The following NINJ2 variants were observed in gnomAD, a reference collection of about 807,000 sequenced individuals.
NINJ2 encodes the protein ninjurin-2.
NINJ2 carries 12 observed loss-of-function variants against 11.7 expected under a neutral mutation model. The ratio of observed to expected loss-of-function variants is 1.02; its 90% CI spans 0.66 to 1.66. The LOEUF is 1.66. NINJ2 is among the 40% of genes most tolerant of loss of function. The pLI is 0.00. For synonymous variants in NINJ2, 93 were observed against 76.8 expected (o/e 1.21, Z -1.10); for missense variants, 187 against 181.8 (o/e 1.03, Z -0.16).
Position 648,996 on chromosome 12 carries a change from G to GTCTGTCTATCTATCTATCTA in NINJ2, c.33+14331_33+14332insTAGATAGATAGATAGACAGA, listed in dbSNP as rs10633920. 9.6e-3 allele frequency among the ~76,000 whole-genome samples: 1,432 copies of GTCTGTCTATCTATCTATCTA among 148,976 alleles called. 15 individuals are homozygous for GTCTGTCTATCTATCTATCTA. The highest frequency in any genetic ancestry group is 0.014 in the Middle Eastern group (4 of 288). ...CATCCACCTATCTATCTATCTATCT[G>GTCTGTCTATCTATCTATCTA]TCTATCTATCTATCTATCTATCTAT... On this transcript the variant is annotated intron_variant, in intron 1 of 3. Transcript: ENST00000305108.
chr12:661,912 G>A (rs1937963006), intron 1 of NINJ2, among the ~76,000 whole-genome samples: 4 of 152,224 alleles, frequency 2.6e-5, no homozygotes, highest in East Asian at 3.9e-4. Flanking sequence ...TCATGCACTC[G>A]GGCTGCAGCA....
At chr12:572,183 C>T (rs775919377) in intron 1 of NINJ2, among the ~76,000 whole-genome samples, 1 of 152,210 alleles carries the variant, frequency 6.6e-6, no homozygotes, top group Admixed American at 6.5e-5. Context: ...ATGGGAAAGC[C>T]GGCTCTGAGC....
At chr12:636,533 G>A (rs972544872) in intron 1 of NINJ2, among the ~76,000 whole-genome samples, 11 of 151,958 alleles carry the variant, frequency 7.2e-5, no homozygotes, top group Admixed American at 7.2e-4. Flanking sequence ...TTAACAGCGA[G>A]AAAACCAAAC....
At position 647,129 on chromosome 12, in the gene NINJ2, C is replaced by T. The variant is rs549816105; in HGVS notation, c.33+16199G>A. Among the ~76,000 whole-genome samples, 25 of 152,292 alleles carry T rather than the reference C, an allele frequency of 1.6e-4. No homozygotes were observed. The East Asian group carries it at 3.9e-3, about 24-fold the overall frequency. On this transcript the variant is annotated intron_variant, in intron 1 of 3. Transcript: ENST00000305108. Reference sequence around the variant, plus strand: ...CCAGGCCCCTCTGTTCCTTCTCTTCCACCCCTGCAGAAGGCATATTCCCCC... The same window carrying T: ...CCAGGCCCCTCTGTTCCTTCTCTTCTACCCCTGCAGAAGGCATATTCCCCC...
At chr12:632,952 C>T (rs1948300584) in intron 1 of NINJ2, among the ~76,000 whole-genome samples, 1 of 152,170 alleles carries the variant, frequency 6.6e-6, no homozygotes, top group Non-Finnish European at 1.5e-5. Context: ...GCCATGAACA[C>T]AAAAGGTTAG....
intron 1 of NINJ2, among the ~76,000 whole-genome samples, chr12:652,532 A>T (rs974796320): frequency 7.9e-5 from 12 of 152,198 alleles, no homozygotes; most frequent in Non-Finnish European, 1.6e-4. Flanking sequence ...GGACTTCCAG[A>T]AAGAAGGAAA....
intron 1 of NINJ2, among the ~76,000 whole-genome samples, chr12:653,133 G>A (rs1937820374): frequency 7.1e-6 from 1 of 140,572 alleles, no homozygotes; most frequent in Non-Finnish European, 1.5e-5. Flanking sequence ...CCATTCTCCT[G>A]CCTCAGCCTC....
intron 1 of NINJ2, among the ~76,000 whole-genome samples, chr12:615,329 C>T (rs1321005342): frequency 6.6e-6 from 1 of 152,172 alleles, no homozygotes; most frequent in Admixed American, 6.5e-5. Flanking sequence ...TGGCTCATGC[C>T]TGTAATCCCA....
At chr12:571,475 G>A (rs1947375744) in intron 1 of NINJ2, among the ~76,000 whole-genome samples, 3 of 152,150 alleles carry the variant, frequency 2.0e-5, no homozygotes, top group South Asian at 4.1e-4. Flanking sequence ...CAGACCCAGC[G>A]GTTTGCCCCA....
At chr12:617,067 G>T (rs112556353) in intron 1 of NINJ2, among the ~76,000 whole-genome samples, 21 of 152,232 alleles carry the variant, frequency 1.4e-4, no homozygotes, top group African/African-American at 4.1e-4. Flanking sequence ...TTAGCCAGAC[G>T]TGGTGGCGCA....
intron 1 of NINJ2, among the ~76,000 whole-genome samples, chr12:609,983 G>T (rs1343237383): frequency 1.4e-5 from 2 of 142,494 alleles, no homozygotes; most frequent in Non-Finnish European, 3.0e-5. Flanking sequence ...GAGAAATAAT[G>T]TTTGACCATG....
intron 1 of NINJ2, chr12:643,412 G>A: frequency 1.0e-6 from 1 of 984,806 alleles, no homozygotes; most frequent in Non-Finnish European, 1.2e-6. Context: ...CAGCCCTCGG[G>A]CCTACATCCG....
Position 654,907 on chromosome 12 carries a change from G to C in NINJ2, c.33+8421C>G, listed in dbSNP as rs1386622198. Among the ~76,000 whole-genome samples the C allele has an allele frequency of 2.0e-5, 3 of 148,344 alleles. No individual in the cohort carries two copies. The Admixed American group carries it at 2.0e-4, about 10-fold the overall frequency. On this transcript the variant is annotated intron_variant, in intron 1 of 3. Coordinates refer to ENST00000305108, the MANE Select transcript of NINJ2 (RefSeq NM_016533.6). Reference sequence around the variant, plus strand: ...ACTCCATTTCAAAAAAAAAAAAAGAGAATAAAATAAAAACAAAAGAAAATC... The same window carrying C: ...ACTCCATTTCAAAAAAAAAAAAAGACAATAAAATAAAAACAAAAGAAAATC...
intron 1 of NINJ2, among the ~76,000 whole-genome samples, chr12:569,018 G>C (rs1947341630): frequency 6.6e-6 from 1 of 152,178 alleles, no homozygotes; most frequent in Admixed American, 6.5e-5. Flanking sequence ...AGGCACGAAA[G>C]GAATGGAGTG....
intron 1 of NINJ2, among the ~76,000 whole-genome samples, chr12:656,101 G>A (rs372253478): frequency 2.6e-5 from 4 of 151,060 alleles, no homozygotes; most frequent in Non-Finnish European, 5.9e-5. Context: ...GTAGTGGCTC[G>A]CGCCTGTAAT....
In NINJ2 at chr12:653,165, C is replaced by CGT. The variant is rs1222173559; in HGVS notation, c.33+10162_33+10163insAC. On this transcript the variant is annotated intron_variant, in intron 1 of 3. Transcript: ENST00000305108. ...CCTCCCGAGTAGCTGGGACTACAGG[C>CGT]ACCCGCCACCATGCCTGGCTAATGT... Among the ~76,000 whole-genome samples the CGT allele has an allele frequency of 1.1e-4, 17 of 151,454 alleles. No individual in the cohort carries two copies. The East Asian group carries it at 3.4e-3, about 30-fold the overall frequency.
rs901212169 is a variant in NINJ2, at chr12:633,634, G to A, written c.33+29694C>T. Reference sequence around the variant, plus strand: ...AGTTCAAGACCAGCCTGGCCAACACGGCAAAATCCCGTCTCTACTAAAATA... The same window carrying A: ...AGTTCAAGACCAGCCTGGCCAACACAGCAAAATCCCGTCTCTACTAAAATA... On this transcript the variant is annotated intron_variant, in intron 1 of 3. Coordinates refer to ENST00000305108, the MANE Select transcript of NINJ2 (RefSeq NM_016533.6). The surrounding 1 kb of genome is among the most constrained non-coding windows in gnomAD (Gnocchi z 4.3). Among the ~76,000 whole-genome samples the A allele has an allele frequency of 4.6e-5, 7 of 152,220 alleles. No individual in the cohort carries two copies. Among genetic ancestry groups the A allele is most frequent in the East Asian group, 1.9e-4 (1 of 5,180 alleles).
intron 1 of NINJ2, among the ~76,000 whole-genome samples, chr12:657,825 T>C (rs1937893220): frequency 6.6e-6 from 1 of 152,148 alleles, no homozygotes; most frequent in Non-Finnish European, 1.5e-5. Flanking sequence ...GGAACACCTA[T>C]TCATTGCTGG....
chr12:636,548 C>G (rs1213486554), intron 1 of NINJ2, among the ~76,000 whole-genome samples: 1 of 151,760 alleles, frequency 6.6e-6, no homozygotes, highest in Non-Finnish European at 1.5e-5. Flanking sequence ...CCAAACAACT[C>G]AATTCAAAAA....
Sources: allele counts gnomAD v4.1 joint callset (sites outside exome capture counted in the v4.1 genomes callset), GRCh38; gene constraint gnomAD v4.1.1; non-coding constraint Gnocchi (gnomAD v3.1); transcripts MANE v1.5; gene names NCBI Gene and HGNC (gene_info 2026-07-23, HGNC 2026-07-21).